The following UBXN2A variants were observed in gnomAD, a reference collection of about 807,000 sequenced individuals.
The protein encoded by UBXN2A is UBX domain-containing protein 2A.
UBXN2A carries 28 observed loss-of-function variants against 28.4 expected under a neutral mutation model. The ratio of observed to expected loss-of-function variants is 0.99; its 90% CI spans 0.73 to 1.35. The LOEUF is 1.35. UBXN2A is among the 40% of genes most tolerant of loss of function. UBXN2A has a pLI of 0.00. For missense variants in UBXN2A, 253 were observed against 297.9 expected (o/e 0.85, Z 1.11); for synonymous variants, 97 against 103.6 (o/e 0.94, Z 0.39).
At chr2:23,966,932 C>T (rs938290007) in intron 2 of UBXN2A, among the ~76,000 whole-genome samples, 5 of 151,334 alleles carry the variant, frequency 3.3e-5, no homozygotes, top group African/African-American at 1.2e-4. Context: ...TTATTCTTTT[C>T]TTTTTTTATA....
rs71395164 is a variant in UBXN2A at position 23,927,633 on chromosome 2, AG to A, written c.-138+28del. ...GGAACTTGGTAAGCTTAAGAAGAGA[AG>A]GGGGGGGGGAAACACCATGCTAGAA... On this transcript the variant is annotated intron_variant, in intron 1 of 7. Coordinates refer to the UBXN2A transcript ENST00000404924. 5.5e-3 allele frequency: 703 copies of A among 127,060 alleles called. 4 individuals carry two copies. Among genetic ancestry groups the A allele is most frequent in the African/African-American group, 8.5e-3 (315 of 36,902 alleles). 7.9% of individuals were successfully genotyped at this position (127,060 alleles called of 1,614,324 possible). A position where few individuals can be genotyped will look rare whatever the true frequency, so the allele number is the denominator to read the frequency against.
Position 23,977,060 on chromosome 2 carries a change from A to G in UBXN2A, c.272A>G (p.Asn91Ser). The G allele has an allele frequency of 6.2e-7, 1 of 1,611,790 alleles. No homozygotes were observed. The highest frequency in any genetic ancestry group is 8.5e-7 in the Non-Finnish European group (1 of 1,178,360). Residue 91 changes from asparagine (N) to serine (S), a missense_variant, in exon 4 of 7, where the codon AAC (asparagine) becomes AGC (serine). Asn to Ser is a conservative substitution (Grantham distance 46, BLOSUM62 1). Coordinates refer to ENST00000309033, the MANE Select transcript of UBXN2A (RefSeq NM_181713.4). ...GATGGTGCCAGTCAGCAGTTTTTGA[A>G]CTCCATCAAAAAGGGGTGAGTAGCC... ...YSDGASQQFL[N>S]SIKKGELPSE...
chr2:23,936,037 G>C (rs2150786838), upstream of UBXN2A, among the ~76,000 whole-genome samples: 1 of 152,184 alleles, frequency 6.6e-6, no homozygotes, highest in East Asian at 1.9e-4. Context: ...GGGTGACAGA[G>C]GGAGGCTGTC....
At chr2:23,963,547 A>G (rs1275761443) in intron 2 of UBXN2A, among the ~76,000 whole-genome samples, 1 of 152,090 alleles carries the variant, frequency 6.6e-6, no homozygotes, top group Non-Finnish European at 1.5e-5. Context: ...CAACAGGTAT[A>G]TGTTCAGTGT....
At chr2:23,952,794 G>A (rs1477281369) in intron 1 of UBXN2A, among the ~76,000 whole-genome samples, 1 of 152,100 alleles carries the variant, frequency 6.6e-6, no homozygotes, top group Non-Finnish European at 1.5e-5. Flanking sequence ...GCCCAGCCTG[G>A]TTTGGCACTT....
At chr2:23,964,061 G>A (rs1455273632) in intron 2 of UBXN2A, among the ~76,000 whole-genome samples, 1 of 151,052 alleles carries the variant, frequency 6.6e-6, no homozygotes, top group Non-Finnish European at 1.5e-5. Context: ...GAGCCTAGGA[G>A]TTCTAGGCTG....
rs568327581 is a variant in UBXN2A at position 23,969,415 on chromosome 2, T to A, written c.42-1861T>A. ...TATTTGCTCTGTTGCCAGGCTGGAG[T>A]GCAGTGGTGCAATCTCGGCTCACTG... On this transcript the variant is annotated intron_variant, in intron 2 of 6. Coordinates refer to ENST00000309033, the MANE Select transcript of UBXN2A (RefSeq NM_181713.4). 8.6e-5 allele frequency among the ~76,000 whole-genome samples: 13 copies of A among 151,906 alleles called. 1 individual carries two copies. The South Asian group carries it at 2.7e-3, about 32-fold the overall frequency.
intron 6 of UBXN2A, among the ~76,000 whole-genome samples, chr2:23,994,808 A>G (rs1287657975): frequency 2.0e-5 from 3 of 152,252 alleles, no homozygotes; most frequent in African/African-American, 7.2e-5. Context: ...TCTATCAGAC[A>G]GATTCCTAAT....
At chr2:23,999,226 A>G (rs1708654144) in intron 6 of UBXN2A, among the ~76,000 whole-genome samples, 1 of 152,178 alleles carries the variant, frequency 6.6e-6, no homozygotes, top group African/African-American at 2.4e-5. Context: ...TCATGATACA[A>G]TTGTGACAGC....
upstream of UBXN2A, among the ~76,000 whole-genome samples, chr2:23,937,972 A>G (rs1705579618): frequency 6.6e-6 from 1 of 152,210 alleles, no homozygotes; most frequent in African/African-American, 2.4e-5. Context: ...TTGTAACATG[A>G]TGGTATTTGT....
chr2:23,972,262 A>G (rs1467290197), intron 3 of UBXN2A, among the ~76,000 whole-genome samples: 1 of 152,224 alleles, frequency 6.6e-6, no homozygotes, highest in Non-Finnish European at 1.5e-5. Flanking sequence ...CACTGAATCC[A>G]AAAATCCAAA....
rs1319827911 is a variant in UBXN2A at position 24,001,834 on chromosome 2, G to C, written c.*1967G>C. 6.6e-6 allele frequency: 1 copy of C among 151,944 alleles called. No individual in the cohort carries two copies. The highest frequency in any genetic ancestry group is 6.6e-5 in the Admixed American group (1 of 15,218). The allele number at this position is 151,944 out of a possible 1,614,324, so 9.4% of individuals were successfully genotyped here. On this transcript the variant is annotated 3_prime_UTR_variant, in exon 7 of 7. Coordinates refer to ENST00000309033, the MANE Select transcript of UBXN2A (RefSeq NM_181713.4). Reference sequence around the variant, plus strand: ...AAATTAGCTGGGTGTGGTGGCATGCGCCTGTAGTCCCAGCTACGTGGGAGG... The same window carrying C: ...AAATTAGCTGGGTGTGGTGGCATGCCCCTGTAGTCCCAGCTACGTGGGAGG...
At chr2:23,995,194 C>T (rs907484588) in intron 6 of UBXN2A, among the ~76,000 whole-genome samples, 5 of 152,016 alleles carry the variant, frequency 3.3e-5, no homozygotes, top group African/African-American at 1.2e-4. Flanking sequence ...CTTCTTGTCT[C>T]TCCTTGGTGT....
At chr2:23,993,691 A>AT (rs537302592) in intron 6 of UBXN2A, among the ~76,000 whole-genome samples, 15,339 of 134,362 alleles carry the variant, frequency 0.11, 897 homozygotes, top group Middle Eastern at 0.19. Context: ...TAATTTTTTA[A>AT]TTTTTTTTTT....
chr2:23,964,917 G>A (rs1393040735), intron 2 of UBXN2A, among the ~76,000 whole-genome samples: 2 of 152,156 alleles, frequency 1.3e-5, no homozygotes, highest in African/African-American at 2.4e-5. Flanking sequence ...GCCAAAGCAG[G>A]CACATTTCTT....
intron 2 of UBXN2A, among the ~76,000 whole-genome samples, chr2:23,962,308 G>C (rs1706962838): frequency 6.6e-6 from 1 of 152,126 alleles, no homozygotes; most frequent in Non-Finnish European, 1.5e-5. Context: ...TAGACAATGA[G>C]AAAGCAAACA....
chr2:23,965,098 C>G (rs756048424), intron 2 of UBXN2A, among the ~76,000 whole-genome samples: 7 of 152,164 alleles, frequency 4.6e-5, no homozygotes, highest in Non-Finnish European at 8.8e-5. Context: ...CCAGGCTGGT[C>G]TCAAACTCCT....
upstream of UBXN2A, among the ~76,000 whole-genome samples, chr2:23,938,518 A>G (rs1353845972): frequency 1.3e-5 from 2 of 151,756 alleles, no homozygotes; most frequent in East Asian, 3.8e-4. Flanking sequence ...ACCAATTCAA[A>G]GCAATCCCTG....
At chr2:23,937,711 A>G (rs1705569426), upstream of UBXN2A, among the ~76,000 whole-genome samples, 1 of 152,250 alleles carries the variant, frequency 6.6e-6, no homozygotes, top group South Asian at 2.1e-4. Context: ...CGAGACTTGT[A>G]CGTGGAAAAC....
Sources: allele counts gnomAD v4.1 joint callset (sites outside exome capture counted in the v4.1 genomes callset), GRCh38; gene constraint gnomAD v4.1.1; transcripts MANE v1.5; gene names NCBI Gene and HGNC (gene_info 2026-07-23, HGNC 2026-07-21).